The following PTCHD4 variants were observed in gnomAD, a reference collection of about 807,000 sequenced individuals.
PTCHD4 encodes the protein patched domain containing 4, also known as patched domain-containing protein 4.
Under a neutral mutation model 58.1 loss-of-function variants are expected in PTCHD4, and 33 were observed. The observed-to-expected ratio is 0.57, with a 90% CI of 0.43 to 0.76. The LOEUF (loss-of-function observed/expected upper bound fraction) is 0.76, where lower values mean the gene tolerates loss of function less well. Among genes scored for constraint, PTCHD4 ranks in the 30% least tolerant of loss-of-function variants. The pLI is 0.00. For missense variants in PTCHD4, 1,058 were observed against 1,027.1 expected (o/e 1.03, Z -0.41); for synonymous variants, 478 against 409.6 (o/e 1.17, Z -2.02).
chr6:48,045,884 C>T (rs546411494), intron 3 of PTCHD4, among the ~76,000 whole-genome samples: 2 of 151,564 alleles, frequency 1.3e-5, no homozygotes, highest in South Asian at 4.2e-4. Flanking sequence ...ATAAGGGATC[C>T]TCACTGAAAT....
intron 1 of PTCHD4, among the ~76,000 whole-genome samples, chr6:48,100,676 G>A (rs1765586055): frequency 1.3e-5 from 2 of 152,220 alleles, no homozygotes; most frequent in Non-Finnish European, 2.9e-5. Flanking sequence ...GCGACAGGAA[G>A]GTGGAGAGAT....
chr6:48,004,173 C>T (rs1484717026), intron 4 of PTCHD4, among the ~76,000 whole-genome samples: 2 of 152,062 alleles, frequency 1.3e-5, no homozygotes, highest in African/African-American at 4.8e-5. Flanking sequence ...ATAGTAGATG[C>T]TCAATAAATC....
chr6:47,870,259 C>T lies in PTCHD4; in HGVS notation c.*8044G>A, dbSNP rs1336543672. Among the ~76,000 whole-genome samples the T allele has an allele frequency of 6.6e-6, 1 of 151,276 alleles. No homozygotes were observed. Among genetic ancestry groups the T allele is most frequent in the East Asian group, 1.9e-4 (1 of 5,148 alleles). On this transcript the variant is annotated 3_prime_UTR_variant, in exon 5 of 5. Transcript: ENST00000339488. ...ATTGTTATTTTTCTTAAGATTTGTA[C>T]CTGTAAGCTTTAGATAATAGATTTG...
At chr6:47,936,278 T>C (rs1765996923) in intron 4 of PTCHD4, among the ~76,000 whole-genome samples, 1 of 152,188 alleles carries the variant, frequency 6.6e-6, no homozygotes, top group Non-Finnish European at 1.5e-5. Flanking sequence ...TCCAATATGA[T>C]TTGATACATA....
At chr6:48,043,908 T>C (rs1321379831) in intron 3 of PTCHD4, among the ~76,000 whole-genome samples, 1 of 151,842 alleles carries the variant, frequency 6.6e-6, no homozygotes, top group Non-Finnish European at 1.5e-5. Flanking sequence ...TTTAGACCCT[T>C]GATCCAAAAT....
intron 3 of PTCHD4, among the ~76,000 whole-genome samples, chr6:48,028,459 T>C (rs187975651): frequency 1.6e-3 from 240 of 152,224 alleles, no homozygotes; most frequent in African/African-American, 5.7e-3. Context: ...ATTTTATGTG[T>C]GATGAAGCTA....
rs946706645 is a variant in PTCHD4 at position 47,870,846 on chromosome 6, G to T, written c.*7457C>A. ...GAACTACAGAGCAGAAACCTAAAAT[G>T]GCTTTGTTTGTACTATTTTGGGAGT... On this transcript the variant is annotated 3_prime_UTR_variant, in exon 5 of 5. Transcript: ENST00000339488. 1.3e-5 allele frequency among the ~76,000 whole-genome samples: 2 copies of T among 151,508 alleles called. No homozygotes were observed. Among genetic ancestry groups the T allele is most frequent in the Non-Finnish European group, 3.0e-5 (2 of 67,674 alleles).
intron 4 of PTCHD4, among the ~76,000 whole-genome samples, chr6:47,965,925 A>C (rs1561981886): frequency 2.0e-5 from 3 of 152,170 alleles, no homozygotes; most frequent in Non-Finnish European, 4.4e-5. Context: ...AAAAAAACCA[A>C]AAACAAACAA....
chr6:48,088,644 T>A (rs1215757710), intron 1 of PTCHD4, among the ~76,000 whole-genome samples: 1 of 152,228 alleles, frequency 6.6e-6, no homozygotes, highest in East Asian at 1.9e-4. Context: ...TTCGATGAAC[T>A]AAAACGCTGT....
At position 48,077,712 on chromosome 6, in the gene PTCHD4, T is replaced by C. The variant is rs139076599; in HGVS notation, c.-969-7786A>G. 4.7e-3 allele frequency among the ~76,000 whole-genome samples: 719 copies of C among 152,286 alleles called. 6 individuals carry two copies. The highest frequency in any genetic ancestry group is 0.016 in the African/African-American group (648 of 41,548). On this transcript the variant is annotated intron_variant, in intron 1 of 4. Coordinates refer to ENST00000339488, the MANE Select transcript of PTCHD4 (RefSeq NM_001384253.1). ...CTTAGAGGCCATTTAGGGTTATTAA[T>C]TGGCCTAATTTCAATATTGTTGTAT...
chr6:48,092,135 T>C (rs1474683819), intron 1 of PTCHD4, among the ~76,000 whole-genome samples: 1 of 152,204 alleles, frequency 6.6e-6, no homozygotes, highest in Non-Finnish European at 1.5e-5. Flanking sequence ...TGAACAAAAA[T>C]GATTCTCTGA....
intron 4 of PTCHD4, among the ~76,000 whole-genome samples, chr6:48,003,273 T>A (rs966647556): frequency 1.3e-5 from 2 of 152,238 alleles, no homozygotes; most frequent in African/African-American, 4.8e-5. Flanking sequence ...ACCTGATCTA[T>A]GTACTGTGTT....
At position 47,879,462 on chromosome 6, in the gene PTCHD4, A is replaced by G. The variant is rs1329859655; in HGVS notation, c.1373T>C (p.Ile458Thr). The G allele has an allele frequency of 4.3e-6, 7 of 1,613,500 alleles. No individual in the cohort carries two copies. In the African/African-American group the frequency reaches 6.7e-5, roughly 15 times the overall value. ...GATGACAACAAATGGCTTCACATAT[A>G]TATTGGTAATCCATTCATTATAATG... ...REHYNEWITN[I>T]YVKPFVVILY... Residue 458 changes from isoleucine (I) to threonine (T), a missense_variant, in exon 5 of 5, where the codon ATA becomes ACA. By Grantham distance (89) the Ile-to-Thr change is moderately conservative (BLOSUM62 -1). Transcript: ENST00000339488.
chr6:48,084,001 A>G (rs1490520228), intron 1 of PTCHD4, among the ~76,000 whole-genome samples: 2 of 152,174 alleles, frequency 1.3e-5, no homozygotes, highest in African/African-American at 4.8e-5. Flanking sequence ...TGGGAGTTGT[A>G]AGCCACTAAG....
At chr6:48,037,803 C>G (rs973388679) in intron 3 of PTCHD4, among the ~76,000 whole-genome samples, 1 of 147,868 alleles carries the variant, frequency 6.8e-6, no homozygotes, top group Non-Finnish European at 1.5e-5. Flanking sequence ...AAGAAAAGGT[C>G]AAAATAATAA....
In PTCHD4 at chr6:47,878,877, G is replaced by A. The variant is rs370753645; in HGVS notation, c.1958C>T (p.Ser653Phe). The A allele has an allele frequency of 1.5e-5, 25 of 1,613,686 alleles. No individual in the cohort carries two copies. The highest frequency in any genetic ancestry group is 2.0e-5 in the Non-Finnish European group (24 of 1,179,770). Reference protein sequence around the residue: ...SFVFMDHYSLSVTVPVLIAGF... With the variant: ...SFVFMDHYSLFVTVPVLIAGF... ...TGCAATCAGAACAGGCACTGTGACAGACAAGCTGTAATGGTCCATGAAGAC... is the reference window on the plus strand; with the variant it reads ...TGCAATCAGAACAGGCACTGTGACAAACAAGCTGTAATGGTCCATGAAGAC... The change falls in exon 5 of 5, where the codon TCT becomes TTT. Residue 653 changes from serine to phenylalanine, a missense_variant. By Grantham distance (155) the Ser-to-Phe change is radical. Transcript: ENST00000339488.
chr6:48,096,551 G>A (rs140703457), intron 1 of PTCHD4, among the ~76,000 whole-genome samples: 242 of 151,274 alleles, frequency 1.6e-3, no homozygotes, highest in African/African-American at 5.5e-3. Context: ...GGCAGAAGTT[G>A]CAGTGAGCCG....
Position 48,068,640 on chromosome 6 carries a change from G to C in PTCHD4, c.7C>G (p.Arg3Gly), listed in dbSNP as rs1288221891. 6.5e-7 allele frequency: 1 copy of C among 1,545,280 alleles called. No individual in the cohort carries two copies. Among genetic ancestry groups the C allele is most frequent in the South Asian group, 1.2e-5 (1 of 84,706 alleles). ...ATCCAGCTCGCAGGCGCTCCCGGCC[G>C]TCTTAAAAAGCACATGTGACATGTG... MR[R>G]PGAPASWIWW... Residue 3 changes from arginine (R) to glycine (G), a missense_variant and splice_region_variant, in exon 3 of 5, where the codon CGG becomes GGG. Coordinates refer to ENST00000339488, the MANE Select transcript of PTCHD4 (RefSeq NM_001384253.1). The surrounding 1 kb of genome is among the most constrained non-coding windows in gnomAD (Gnocchi z 4.2).
At chr6:48,023,660 T>G (rs762297414) in intron 3 of PTCHD4, among the ~76,000 whole-genome samples, 5 of 152,332 alleles carry the variant, frequency 3.3e-5, no homozygotes, top group Non-Finnish European at 5.9e-5. Context: ...TTGGTTTTAA[T>G]TTTCTTCTGA....
Sources: gnomAD v4.1 joint callset for allele counts (sites outside exome capture counted in the v4.1 genomes callset) on GRCh38, gnomAD v4.1.1 for gene constraint, Gnocchi (gnomAD v3.1) non-coding constraint, MANE v1.5 for transcripts, NCBI Gene and HGNC (gene_info 2026-07-23, HGNC 2026-07-21) for gene names.